COMMD10: variants seen among roughly 807,000 people sequenced by gnomAD.
COMMD10 encodes the protein COMM domain-containing protein 10.
A neutral mutation model predicts 28.9 loss-of-function variants in COMMD10; 33 were observed. The ratio of observed to expected loss-of-function variants is 1.14; its 90% CI spans 0.87 to 1.53. COMMD10 has a LOEUF of 1.53. Among genes scored for constraint, COMMD10 ranks in the 40% most tolerant of loss-of-function variants. COMMD10 has a pLI of 0.00. For synonymous variants in COMMD10, 110 were observed against 81.7 expected (o/e 1.35, Z -1.87); for missense variants, 310 against 233.4 (o/e 1.33, Z -2.14).
At chr5:116,231,736 T>C (rs1332930332) in intron 5 of COMMD10, among the ~76,000 whole-genome samples, 2 of 152,178 alleles carry the variant, frequency 1.3e-5, no homozygotes, top group African/African-American at 4.8e-5. Context: ...GTGTATTGTT[T>C]ATTTTAACTT....
intron 3 of COMMD10, 74 bp downstream of exon 3, chr5:116,091,263 A>G: frequency 1.5e-6 from 1 of 677,056 alleles, no homozygotes. Context: ...TATCTATGAC[A>G]TTCTGTTTTT....
chr5:116,111,710 G>A (rs1397327797), intron 4 of COMMD10, among the ~76,000 whole-genome samples: 1 of 152,140 alleles, frequency 6.6e-6, no homozygotes, highest in Non-Finnish European at 1.5e-5. Context: ...CTATATTGGA[G>A]AATATCCCAT....
chr5:116,169,179 C>G (rs1456633875), intron 5 of COMMD10, among the ~76,000 whole-genome samples: 5 of 152,016 alleles, frequency 3.3e-5, no homozygotes, highest in African/African-American at 1.2e-4. Flanking sequence ...ACCACTGATC[C>G]CACAGAAATA....
In COMMD10 at chr5:116,271,255, T is replaced by G. The variant is rs546611238; in HGVS notation, c.511-20262T>G. Among the ~76,000 whole-genome samples the G allele has an allele frequency of 1.5e-4, 21 of 144,514 alleles. 1 individual carries two copies. The South Asian group carries it at 4.4e-3, about 30-fold the overall frequency. 94.8% of individuals were successfully genotyped at this position (144,514 alleles called of 152,430 possible). On this transcript the variant is annotated intron_variant, in intron 5 of 6. Transcript: ENST00000274458. ...CACATGATAGTAAAAACAATTTTTTTTCCTGTTTAAGCATTTTTATCTTTT... is the reference window on the plus strand; with the variant it reads ...CACATGATAGTAAAAACAATTTTTTGTCCTGTTTAAGCATTTTTATCTTTT...
intron 4 of COMMD10, among the ~76,000 whole-genome samples, chr5:116,101,013 C>T (rs932075689): frequency 2.1e-4 from 32 of 152,194 alleles, no homozygotes; most frequent in African/African-American, 7.7e-4. Flanking sequence ...CTGTGTCTGA[C>T]TTGTTTCACT....
chr5:116,128,507 T>G (rs1357445347), intron 4 of COMMD10, among the ~76,000 whole-genome samples: 1 of 147,798 alleles, frequency 6.8e-6, no homozygotes, highest in Admixed American at 7.0e-5. Flanking sequence ...AGTTTTATTT[T>G]AAATAGAAGC....
chr5:116,213,986 C>A (rs931149741), intron 5 of COMMD10, among the ~76,000 whole-genome samples: 1 of 152,020 alleles, frequency 6.6e-6, no homozygotes, highest in African/African-American at 2.4e-5. Flanking sequence ...ATTTAGAAAT[C>A]CTGCTTTTAT....
intron 5 of COMMD10, among the ~76,000 whole-genome samples, chr5:116,224,527 G>A (rs960836773): frequency 1.3e-5 from 2 of 152,162 alleles, no homozygotes; most frequent in Admixed American, 1.3e-4. Flanking sequence ...AGGGGAGTTG[G>A]CATATCACAT....
chr5:116,270,889 A>G (rs1337599096), intron 5 of COMMD10, among the ~76,000 whole-genome samples: 1 of 151,226 alleles, frequency 6.6e-6, no homozygotes, highest in Admixed American at 6.6e-5. Context: ...CAGTCAGCCG[A>G]GATCACACCA....
At chr5:116,132,020 T>G (rs1018338219) in intron 4 of COMMD10, among the ~76,000 whole-genome samples, 4 of 151,906 alleles carry the variant, frequency 2.6e-5, no homozygotes, top group Admixed American at 2.0e-4. Flanking sequence ...TTGTAGGTAG[T>G]AAGGAGCTAT....
intron 4 of COMMD10, among the ~76,000 whole-genome samples, chr5:116,101,125 A>G (rs1263307858): frequency 6.6e-6 from 1 of 152,040 alleles, no homozygotes; most frequent in South Asian, 2.1e-4. Flanking sequence ...TACACACCAT[A>G]TTTTCTTTAT....
chr5:116,198,671 G>A (rs1238296269), intron 5 of COMMD10, among the ~76,000 whole-genome samples: 1 of 152,088 alleles, frequency 6.6e-6, no homozygotes, highest in Non-Finnish European at 1.5e-5. Flanking sequence ...CTACAGTCCT[G>A]TTTTACATTT....
intron 5 of COMMD10, among the ~76,000 whole-genome samples, chr5:116,141,288 C>A (rs1257436345): frequency 6.6e-6 from 1 of 151,802 alleles, no homozygotes; most frequent in Non-Finnish European, 1.5e-5. Context: ...GTCTGTGTAT[C>A]TGGCTTTATG....
At chr5:116,214,138 C>G (rs1045627485) in intron 5 of COMMD10, among the ~76,000 whole-genome samples, 6 of 152,042 alleles carry the variant, frequency 3.9e-5, no homozygotes, top group Non-Finnish European at 5.9e-5. Context: ...TGTCTTTAAA[C>G]CTTTAGCTGT....
intron 5 of COMMD10, among the ~76,000 whole-genome samples, chr5:116,153,879 G>C (rs773806394): frequency 6.6e-6 from 1 of 152,098 alleles, no homozygotes. Flanking sequence ...TAAAGGGTTG[G>C]GTTGAGAATT....
chr5:116,218,150 C>G (rs1318832492), intron 5 of COMMD10: 11 of 1,099,434 alleles, frequency 1.0e-5, no homozygotes, highest in East Asian at 9.4e-5. Context: ...TACCTTCTCT[C>G]CCTTCTTTGC....
At position 116,256,029 on chromosome 5, in the gene COMMD10, T is replaced by C. The variant is rs1432902832; in HGVS notation, c.511-35488T>C. On this transcript the variant is annotated intron_variant, in intron 5 of 6. Coordinates refer to ENST00000274458, the MANE Select transcript of COMMD10 (RefSeq NM_016144.4). ...AGCTATTTTCGTATTCAATCTCAGC[T>C]AAATAAAGTAGCGCAAATATGCATG... Among the ~76,000 whole-genome samples, 8 of 151,630 alleles carry C rather than the reference T, an allele frequency of 5.3e-5. 1 individual carries two copies. The highest frequency in any genetic ancestry group is 1.9e-4 in the African/African-American group (8 of 41,142).
At chr5:116,266,966 T>A (rs1223527705) in intron 5 of COMMD10, among the ~76,000 whole-genome samples, 4 of 151,908 alleles carry the variant, frequency 2.6e-5, no homozygotes, top group Non-Finnish European at 5.9e-5. Context: ...AAGAGCTATT[T>A]ATGACAGACC....
intron 5 of COMMD10, among the ~76,000 whole-genome samples, chr5:116,251,316 A>C (rs935068151): frequency 1.7e-4 from 25 of 146,932 alleles, no homozygotes; most frequent in Middle Eastern, 3.5e-3. Context: ...TTATACTTTA[A>C]GTTTTAGGGT....
Sources: gnomAD v4.1 joint callset for allele counts (sites outside exome capture counted in the v4.1 genomes callset) on GRCh38, gnomAD v4.1.1 for gene constraint, MANE v1.5 for transcripts, NCBI Gene and HGNC (gene_info 2026-07-23, HGNC 2026-07-21) for gene names.